Variants in MICU1 observed in about 807,000 individuals in gnomAD.
MICU1 encodes the protein calcium uptake protein 1, mitochondrial.
Under a neutral mutation model 56.8 loss-of-function variants are expected in MICU1, and 45 were observed. The ratio of observed to expected loss-of-function variants is 0.79; its 90% CI spans 0.62 to 1.02. The LOEUF (loss-of-function observed/expected upper bound fraction) is 1.02. Among genes scored for constraint, MICU1 ranks in the 50% least tolerant of loss-of-function variants. The pLI is 0.00. For synonymous variants in MICU1, 186 were observed against 195.1 expected (o/e 0.95, Z 0.39); for missense variants, 504 against 587.1 (o/e 0.86, Z 1.46).
At chr10:72,586,986 G>A (rs1841080169) in intron 1 of MICU1, among the ~76,000 whole-genome samples, 1 of 152,094 alleles carries the variant, frequency 6.6e-6, no homozygotes, top group South Asian at 2.1e-4. Flanking sequence ...ATAATACTAA[G>A]CAGAAAGAGA....
At chr10:72,617,312 T>C (rs982390772) in intron 1 of MICU1, among the ~76,000 whole-genome samples, 1 of 152,208 alleles carries the variant, frequency 6.6e-6, no homozygotes, top group Non-Finnish European at 1.5e-5. Context: ...TAGTATGATC[T>C]AACACCAGTC....
chr10:72,368,739 C>CA (rs1163280969), intron 11 of MICU1, among the ~76,000 whole-genome samples: 1 of 152,132 alleles, frequency 6.6e-6, no homozygotes, highest in East Asian at 1.9e-4. Context: ...AAGAATCTCC[C>CA]ACCCTGGCTG....
chr10:72,602,498 A>G (rs575878175), intron 1 of MICU1, among the ~76,000 whole-genome samples: 1 of 152,278 alleles, frequency 6.6e-6, no homozygotes, highest in Admixed American at 6.5e-5. Context: ...TGGCCTATGT[A>G]AATATCTTCA....
At chr10:72,544,741 G>C (rs1839857779) in intron 4 of MICU1, among the ~76,000 whole-genome samples, 1 of 152,166 alleles carries the variant, frequency 6.6e-6, no homozygotes, top group South Asian at 2.1e-4. Context: ...TTCATAGAGA[G>C]GGAGATGGGA....
chr10:72,509,322 A>G, intron 5 of MICU1: 1 of 1,206,632 alleles, frequency 8.3e-7, no homozygotes, highest in South Asian at 1.2e-5. Flanking sequence ...CATAACTTCA[A>G]GAGGAGTATG....
At chr10:72,407,815 A>G (rs1863676825) in intron 10 of MICU1, 114 bp downstream of exon 10, 1 of 641,544 alleles carries the variant, frequency 1.6e-6, no homozygotes, top group African/African-American at 1.8e-5. Context: ...TCAAAACACC[A>G]TTTCAAGGAT....
intron 9 of MICU1, among the ~76,000 whole-genome samples, chr10:72,421,527 G>C (rs1458101869): frequency 2.0e-5 from 3 of 152,142 alleles, no homozygotes; most frequent in African/African-American, 7.2e-5. Context: ...TGCGTGTCTT[G>C]ACCTCCCAAA....
chr10:72,370,664 A>C (rs1230604742), intron 11 of MICU1, among the ~76,000 whole-genome samples: 1 of 152,190 alleles, frequency 6.6e-6, no homozygotes, highest in East Asian at 1.9e-4. Context: ...TGGTAATGTG[A>C]TGTTTCTAAA....
intron 1 of MICU1, among the ~76,000 whole-genome samples, chr10:72,571,055 A>AT (rs1282626563): frequency 6.6e-6 from 1 of 152,198 alleles, no homozygotes; most frequent in African/African-American, 2.4e-5. Context: ...TTTAAAATAA[A>AT]TAACAGCCAA....
At chr10:72,593,613 T>C (rs941891717) in intron 1 of MICU1, among the ~76,000 whole-genome samples, 1 of 151,876 alleles carries the variant, frequency 6.6e-6, no homozygotes, top group Non-Finnish European at 1.5e-5. Flanking sequence ...ATCTTATATG[T>C]AGAAAATCCT....
At chr10:72,529,787 T>C (rs926889226) in intron 5 of MICU1, among the ~76,000 whole-genome samples, 4 of 151,888 alleles carry the variant, frequency 2.6e-5, no homozygotes, top group African/African-American at 9.7e-5. Context: ...CACTTAGAAA[T>C]AATTGCTTTG....
intron 11 of MICU1, among the ~76,000 whole-genome samples, chr10:72,371,668 C>T (rs193175769): frequency 2.5e-3 from 379 of 152,036 alleles, no homozygotes; most frequent in Middle Eastern, 0.014. Flanking sequence ...TGCTTGACCC[C>T]GGGAGGCAGA....
intron 1 of MICU1, among the ~76,000 whole-genome samples, chr10:72,617,773 A>G (rs1035287009): frequency 2.0e-5 from 3 of 152,186 alleles, no homozygotes; most frequent in African/African-American, 7.2e-5. Context: ...TTGAAGGTGC[A>G]GTAAGCTGTG....
rs4322309 is a variant in MICU1 at position 72,378,907 on chromosome 10, T to A, written c.1181-3035A>T. Among the ~76,000 whole-genome samples the A allele has an allele frequency of 0.58, 88,252 of 151,876 alleles. 26,445 individuals carry two copies. The highest frequency in any genetic ancestry group is 0.65 in the Non-Finnish European group (44,441 of 67,950). ...TGTCATCTAGAATCTGAGGGTGAGG[T>A]TGGGGTGGAAATATCCCATCTTTTC... On this transcript the variant is annotated intron_variant, in intron 10 of 11. Coordinates refer to ENST00000361114, the MANE Select transcript of MICU1 (RefSeq NM_001195518.2).
At chr10:72,524,613 A>G in intron 5 of MICU1, 1 of 586,282 alleles carries the variant, frequency 1.7e-6, no homozygotes, top group Non-Finnish European at 2.5e-6. Context: ...GACAGGAACG[A>G]AATCATTCTG....
At chr10:72,500,614 G>A (rs139431701) in intron 6 of MICU1, among the ~76,000 whole-genome samples, 121 of 151,900 alleles carry the variant, frequency 8.0e-4, no homozygotes, top group African/African-American at 2.8e-3. Context: ...GAGCCACTGT[G>A]CCCAATTATA....
In MICU1 at chr10:72,566,720, T is replaced by C. The variant is rs754237831; in HGVS notation, c.74A>G (p.Gln25Arg). ...TAGTCTTCGCCGGATCTGGATGGGC[T>C]GTGATCCTCCATGGTACCATCGAGA... ...VGSRWYHGGS[Q>R]PIQIRRRLMM... The change falls in exon 2 of 12, where the codon CAG becomes CGG. Residue 25 changes from glutamine to arginine, a missense_variant. By Grantham distance (43) the Gln-to-Arg change is conservative. Transcript: ENST00000361114. 1.9e-6 allele frequency: 3 copies of C among 1,612,798 alleles called. No homozygotes were observed. The highest frequency in any genetic ancestry group is 2.2e-5 in the East Asian group (1 of 44,840).
intron 8 of MICU1, among the ~76,000 whole-genome samples, chr10:72,456,879 G>A (rs1589238973): frequency 7.9e-6 from 1 of 126,510 alleles, no homozygotes. Flanking sequence ...GTGTGTGTGT[G>A]TGTGTGTGTG....
intron 9 of MICU1, among the ~76,000 whole-genome samples, chr10:72,410,746 G>A (rs887454937): frequency 6.6e-6 from 1 of 152,198 alleles, no homozygotes; most frequent in South Asian, 2.1e-4. Flanking sequence ...CTAATTTGAG[G>A]TCAGTCTCTT....
Sources: gnomAD v4.1 joint callset for allele counts (sites outside exome capture counted in the v4.1 genomes callset) on GRCh38, gnomAD v4.1.1 for gene constraint, MANE v1.5 for transcripts, NCBI Gene and HGNC (gene_info 2026-07-23, HGNC 2026-07-21) for gene names.